Variants in SLC38A6 observed in about 807,000 individuals in gnomAD.
The protein encoded by SLC38A6 is N system amino acid transporter NAT-1.
In SLC38A6, 73 loss-of-function variants were observed where a neutral mutation model predicts 65.0. That is an observed-to-expected ratio of 1.12 (90% confidence interval 0.93 to 1.37). The LOEUF (loss-of-function observed/expected upper bound fraction) is 1.37, where lower values mean the gene tolerates loss of function less well. Ranked by LOEUF, SLC38A6 falls within the 40% of genes most tolerant of loss-of-function variation. The probability of loss-of-function intolerance (pLI) is 0.00; values close to 1 mark genes in which losing one functional copy is unlikely to be tolerated. For missense variants in SLC38A6, 561 were observed against 531.1 expected (o/e 1.06, Z -0.55); for synonymous variants, 183 against 178.8 (o/e 1.02, Z -0.19).
intron 15 of SLC38A6, among the ~76,000 whole-genome samples, chr14:61,070,684 C>T (rs536588328): frequency 1.3e-5 from 2 of 152,224 alleles, no homozygotes; most frequent in Non-Finnish European, 2.9e-5. Context: ...CAGCAGTGCA[C>T]GAGGGTTCCA....
At chr14:61,011,272 G>T (rs964500555) in intron 3 of SLC38A6, among the ~76,000 whole-genome samples, 1 of 152,182 alleles carries the variant, frequency 6.6e-6, no homozygotes, top group Admixed American at 6.5e-5. Context: ...AGCTTAAGGA[G>T]ATTTTGGGCC....
chr14:61,030,394 A>G, intron 5 of SLC38A6, 51 bp from the exon 6 acceptor site: 1 of 1,362,344 alleles, frequency 7.3e-7, no homozygotes, highest in Non-Finnish European at 1.0e-6. Flanking sequence ...TATTGTTTAA[A>G]TGGTTAAGAA....
chr14:61,083,604 A>G (rs1370739580), exon 17 of SLC38A6: 2 of 1,550,568 alleles, frequency 1.3e-6, no homozygotes, highest in East Asian at 4.9e-5. Context: ...ACGCAAGGAC[A>G]CAGCAAGAAG....
intron 15 of SLC38A6, among the ~76,000 whole-genome samples, chr14:61,069,230 C>T (rs1005378397): frequency 3.9e-5 from 6 of 152,080 alleles, no homozygotes; most frequent in Non-Finnish European, 8.8e-5. Context: ...GTCTTCCAGC[C>T]CATTTTGCCT....
At chr14:61,021,543 A>G (rs369045462) in intron 5 of SLC38A6, among the ~76,000 whole-genome samples, 3 of 152,206 alleles carry the variant, frequency 2.0e-5, no homozygotes, top group East Asian at 1.9e-4. Context: ...CTGGTTGGTC[A>G]GTTGCCAGAA....
At chr14:61,064,393 A>G (rs1157478569) in intron 15 of SLC38A6, among the ~76,000 whole-genome samples, 1 of 152,076 alleles carries the variant, frequency 6.6e-6, no homozygotes, top group Non-Finnish European at 1.5e-5. Flanking sequence ...CCTGGGGGCA[A>G]TTGTTAAGTG....
chr14:61,062,151 G>C (rs1199952378), intron 15 of SLC38A6, among the ~76,000 whole-genome samples: 4 of 152,256 alleles, frequency 2.6e-5, no homozygotes, highest in Admixed American at 2.6e-4. Flanking sequence ...TTTTTATGTA[G>C]ACATAATTTG....
chr14:61,074,844 C>CT (rs921819044), intron 15 of SLC38A6, among the ~76,000 whole-genome samples: 220 of 145,552 alleles, frequency 1.5e-3, no homozygotes, highest in African/African-American at 4.2e-3. Context: ...TCCTTAATGT[C>CT]TTTTTTTTTT....
chr14:60,987,197 T>G (rs2037516963), intron 3 of SLC38A6: 2 of 257,868 alleles, frequency 7.8e-6, no homozygotes, highest in African/African-American at 4.7e-5. Flanking sequence ...AATACATACA[T>G]TCATATATAA....
intron 16 of SLC38A6, among the ~76,000 whole-genome samples, chr14:61,081,702 T>G (rs1255399825): frequency 2.0e-5 from 3 of 152,148 alleles, no homozygotes; most frequent in African/African-American, 7.2e-5. Flanking sequence ...ATTTCTCTCC[T>G]GAATCCCTAA....
At chr14:61,004,772 G>A (rs1374629487) in intron 3 of SLC38A6, 2 of 152,334 alleles carry the variant, frequency 1.3e-5, no homozygotes, top group Admixed American at 1.3e-4. Context: ...GGAGGAACTG[G>A]TACCGTTCCT....
chr14:60,999,875 C>G (rs1376180409), intron 3 of SLC38A6, among the ~76,000 whole-genome samples: 1 of 152,132 alleles, frequency 6.6e-6, no homozygotes, highest in Admixed American at 6.5e-5. Context: ...ATTTAGACAT[C>G]GTGAAACTGG....
chr14:61,065,562 A>G (rs1487378201), intron 15 of SLC38A6, among the ~76,000 whole-genome samples: 1 of 152,196 alleles, frequency 6.6e-6, no homozygotes, highest in Non-Finnish European at 1.5e-5. Flanking sequence ...TCCCTGGGGT[A>G]GTGAAGTAAG....
intron 16 of SLC38A6, among the ~76,000 whole-genome samples, chr14:61,081,722 T>C (rs2043660220): frequency 6.6e-6 from 1 of 152,166 alleles, no homozygotes; most frequent in Admixed American, 6.5e-5. Flanking sequence ...AGTACTTTTG[T>C]TACTGAGTAC....
chr14:61,068,454 T>C (rs907195237), intron 15 of SLC38A6, among the ~76,000 whole-genome samples: 2 of 152,196 alleles, frequency 1.3e-5, no homozygotes, highest in African/African-American at 4.8e-5. Context: ...CTGATGTCAA[T>C]GTATCTTTCA....
At chr14:60,999,700 A>G (rs928916016) in intron 3 of SLC38A6, among the ~76,000 whole-genome samples, 3 of 152,216 alleles carry the variant, frequency 2.0e-5, no homozygotes, top group African/African-American at 7.2e-5. Flanking sequence ...CACATGTATC[A>G]TGGAGGGAAT....
chr14:61,019,015 A>C (rs1251056600), intron 4 of SLC38A6, among the ~76,000 whole-genome samples: 1 of 152,164 alleles, frequency 6.6e-6, no homozygotes, highest in South Asian at 2.1e-4. Context: ...AGTTTGGAAC[A>C]TTTTGCCTAT....
intron 3 of SLC38A6, among the ~76,000 whole-genome samples, chr14:60,988,850 C>T (rs2037648277): frequency 6.6e-6 from 1 of 152,206 alleles, no homozygotes; most frequent in Non-Finnish European, 1.5e-5. Context: ...ATAACTCTGC[C>T]TGCTTCACAT....
rs575767458 is a variant in SLC38A6 at position 60,992,887 on chromosome 14, G to A, written c.310+8084G>A. Reference sequence around the variant, plus strand: ...TTTTTTGAGGCAGTCTTGCTCTGTCGCCCAGGCTGGAATGCAGTGGTGGAT... The same window carrying A: ...TTTTTTGAGGCAGTCTTGCTCTGTCACCCAGGCTGGAATGCAGTGGTGGAT... On this transcript the variant is annotated intron_variant, in intron 3 of 15. Coordinates refer to ENST00000267488, the MANE Select transcript of SLC38A6 (RefSeq NM_153811.3). Among the ~76,000 whole-genome samples the A allele has an allele frequency of 7.5e-5, 11 of 147,620 alleles. No individual in the cohort carries two copies. The East Asian group carries it at 9.9e-4, about 13-fold the overall frequency.
Sources: allele counts gnomAD v4.1 joint callset (sites outside exome capture counted in the v4.1 genomes callset), GRCh38; gene constraint gnomAD v4.1.1; transcripts MANE v1.5; gene names NCBI Gene and HGNC (gene_info 2026-07-23, HGNC 2026-07-21).